The following LRRC43 variants were observed in gnomAD, a reference collection of about 807,000 sequenced individuals.
The protein encoded by LRRC43 is leucine rich repeat containing 43, also known as leucine-rich repeat-containing protein 43.
Under a neutral mutation model 64.3 loss-of-function variants are expected in LRRC43, and 62 were observed. That is an observed-to-expected ratio of 0.96 (90% confidence interval 0.79 to 1.19). The LOEUF (loss-of-function observed/expected upper bound fraction) is 1.19. Ranked by LOEUF, LRRC43 falls within the 50% of genes most tolerant of loss-of-function variation. LRRC43 has a pLI of 0.00. For missense variants in LRRC43, 868 were observed against 845.0 expected (o/e 1.03, Z -0.34); for synonymous variants, 422 against 382.3 (o/e 1.10, Z -1.21).
At chr12:122,195,359 C>T (rs975924056) in intron 7 of LRRC43, among the ~76,000 whole-genome samples, 1 of 151,994 alleles carries the variant, frequency 6.6e-6, no homozygotes, top group Non-Finnish European at 1.5e-5. Flanking sequence ...AGCAATTCTC[C>T]TGCCTCAGCC....
At position 122,192,910 on chromosome 12, in the gene LRRC43, G is replaced by T. The variant is rs1953734667; in HGVS notation, c.1255G>T (p.Gly419Trp). The change falls in exon 7 of 12, where the codon GGG (glycine) becomes TGG (tryptophan). Residue 419 changes from glycine to tryptophan, a missense_variant. Transcript: ENST00000339777. ...SGESELSVIS[G>W]PSTILQMPRA... ...AGAGTCGGAGCTGTCTGTCATCTCG[G>T]GGCCTTCGACCATCTTGCAGATGCC... 6.2e-7 allele frequency: 1 copy of T among 1,614,138 alleles called. No individual in the cohort carries two copies. Among genetic ancestry groups the T allele is most frequent in the East Asian group, 2.2e-5 (1 of 44,876 alleles).
chr12:122,170,347 C>T (rs139749129), intron 1 of LRRC43, among the ~76,000 whole-genome samples: 6 of 152,006 alleles, frequency 3.9e-5, no homozygotes, highest in African/African-American at 9.6e-5. Context: ...ATGCCTGCTA[C>T]GGGGCCGGGC....
At chr12:122,198,345 G>A (rs1423107704) in intron 7 of LRRC43, among the ~76,000 whole-genome samples, 1 of 152,022 alleles carries the variant, frequency 6.6e-6, no homozygotes, top group Middle Eastern at 3.2e-3. Flanking sequence ...GTGGTTTTTA[G>A]TGTATTCACA....
intron 1 of LRRC43, among the ~76,000 whole-genome samples, chr12:122,175,154 TTTTCTTTCTTTC>T (rs536364664): frequency 6.3e-4 from 95 of 151,114 alleles, no homozygotes; most frequent in Middle Eastern, 6.8e-3. Flanking sequence ...ACTTTATTGC[TTTTCTTTCTTTC>T]TTTCTTTCTT....
chr12:122,176,535 G>GTTTTTT (rs386378008), intron 1 of LRRC43, among the ~76,000 whole-genome samples: 13 of 144,388 alleles, frequency 9.0e-5, no homozygotes, highest in African/African-American at 3.3e-4. Flanking sequence ...CTTTTGTTTT[G>GTTTTTT]TTTTTTTTTT....
intron 2 of LRRC43, 60 bp from the exon 3 acceptor site, chr12:122,186,130 G>C (rs930699881): frequency 3.3e-6 from 3 of 896,132 alleles, no homozygotes; most frequent in Non-Finnish European, 3.6e-6. Flanking sequence ...TGTGGACATG[G>C]GTTCTGTGCC....
Position 122,200,111 on chromosome 12 carries a change from C to A in LRRC43, c.1350-78C>A. The stretch of plus-strand genomic sequence containing the variant: ...GATGCTCGTGGTCTCCTCGGATGTC[C>A]CCTCACAGTCCTGTCCCGGGTCCCT... On this transcript the variant is annotated intron_variant, in intron 7 of 11. Transcript: ENST00000339777. The surrounding 1 kb of genome is among the most constrained non-coding windows in gnomAD (Gnocchi z 4.6). 1 of 1,487,566 alleles carries A rather than the reference C, an allele frequency of 6.7e-7. No homozygotes were observed. The highest frequency in any genetic ancestry group is 9.2e-7 in the Non-Finnish European group (1 of 1,091,220). The allele number at this position is 1,487,566 out of a possible 1,614,324, so 92.1% of individuals were successfully genotyped here. A position where few individuals can be genotyped will look rare whatever the true frequency, so the allele number is the denominator to read the frequency against.
chr12:122,199,003 C>A (rs1294962995), intron 7 of LRRC43, among the ~76,000 whole-genome samples: 6 of 136,782 alleles, frequency 4.4e-5, no homozygotes, highest in Non-Finnish European at 9.3e-5. Flanking sequence ...TTTTTTGAGA[C>A]AGAGTTGCTC....
chr12:122,183,271 T>C lies in LRRC43; in HGVS notation c.127T>C (p.Phe43Leu), dbSNP rs1953601884. The C allele has an allele frequency of 1.3e-6, 2 of 1,553,604 alleles. No individual in the cohort carries two copies. Among genetic ancestry groups the C allele is most frequent in the Non-Finnish European group, 1.7e-6 (2 of 1,160,526 alleles). The change falls in exon 1 of 12, where the codon TTC (phenylalanine) becomes CTC (leucine). Residue 43 changes from phenylalanine (F) to leucine (L), a missense_variant. By Grantham distance (22) the Phe-to-Leu change is conservative. Transcript: ENST00000339777. ...EHLRKLCLRE[F>L]PCGAGSWNKS... ...CTTGCGGAAGCTGTGTCTGCGCGAG[T>C]TCCCGTGCGGTGCCGGCAGCTGGGT...
intron 7 of LRRC43, among the ~76,000 whole-genome samples, chr12:122,193,952 A>G (rs1343687664): frequency 6.6e-6 from 1 of 152,156 alleles, no homozygotes; most frequent in Non-Finnish European, 1.5e-5. Context: ...TAACATTTTA[A>G]TCCATCTAAG....
upstream of LRRC43, among the ~76,000 whole-genome samples, chr12:122,182,428 A>G (rs965656597): frequency 6.9e-6 from 1 of 145,594 alleles, no homozygotes; most frequent in African/African-American, 2.5e-5. Context: ...AGGCTGAGGC[A>G]GGAGAATCGG....
rs1306862669 is a variant in LRRC43, at chr12:122,192,945, T to C, written c.1290T>C (p.Ser430=). The change falls in exon 7 of 12, where the codon TCT becomes TCC. Residue 430 remains serine, a synonymous_variant. Transcript: ENST00000339777. ...CCATCTTGCAGATGCCGAGGGCCTC[T>C]GCAGAAGAGCTGGCCAAGTTGAGGC... ...PSTILQMPRA[S]AEELAKLRLR... is the part of the protein sequence containing the mutation. 1 of 1,614,060 alleles carries C rather than the reference T, an allele frequency of 6.2e-7. No individual in the cohort carries two copies. The highest frequency in any genetic ancestry group is 1.1e-5 in the South Asian group (1 of 91,080).
intron 1 of LRRC43, 23 bp downstream of exon 1, chr12:122,183,317 T>G: frequency 6.8e-7 from 1 of 1,465,624 alleles, no homozygotes; most frequent in South Asian, 1.4e-5. Context: ...GGGCCGGAAC[T>G]CTGGGGGCCT....
upstream of LRRC43, among the ~76,000 whole-genome samples, chr12:122,179,631 C>G (rs1434568958): frequency 6.6e-6 from 1 of 151,948 alleles, no homozygotes; most frequent in Non-Finnish European, 1.5e-5. Flanking sequence ...ATTAACAGGA[C>G]AAGGAGAAGA....
Position 122,172,419 on chromosome 12 carries a change from G to T in LRRC43, c.-406+4637G>T, listed in dbSNP as rs1328276512. 3 of 1,611,172 alleles carry T rather than the reference G, an allele frequency of 1.9e-6. No homozygotes were observed. The South Asian group carries it at 3.3e-5, about 18-fold the overall frequency. On this transcript the variant is annotated intron_variant, in intron 1 of 5. Coordinates refer to the LRRC43 transcript ENST00000537729. ...CGAAAGGAAGAGATGGCCTTAAGTG[G>T]TGGCCTGTTGGGCTCCAGAGGTCAA...
chr12:122,181,937 A>G (rs923044263), upstream of LRRC43, among the ~76,000 whole-genome samples: 4 of 151,896 alleles, frequency 2.6e-5, no homozygotes, highest in Non-Finnish European at 5.9e-5. Flanking sequence ...AGTTGTCCCG[A>G]TATCGTATAG....
chr12:122,200,899 C>A lies in LRRC43; in HGVS notation c.1774C>A (p.Arg592Ser). 1 of 1,610,310 alleles carries A rather than the reference C, an allele frequency of 6.2e-7. No homozygotes were observed. The highest frequency in any genetic ancestry group is 8.5e-7 in the Non-Finnish European group (1 of 1,178,576). Residue 592 changes from arginine (R) to serine (S), a missense_variant, in exon 10 of 12, where the codon CGC (arginine) becomes AGC (serine). Physicochemically the swap from Arg to Ser is moderately radical, Grantham distance 110. Transcript: ENST00000339777. This position sits in a 1 kb window ranked among gnomAD's most constrained non-coding sequence, Gnocchi z 4.6. ...VSTVCNFGVV[R>S]TLTSDRLTLA... ...CACCGTGTGCAACTTCGGCGTGGTC[C>A]GCACATTGACATCTGACAGGCTGAC...
intron 7 of LRRC43, among the ~76,000 whole-genome samples, chr12:122,193,487 C>T (rs1388686810): frequency 1.3e-5 from 2 of 148,896 alleles, no homozygotes; most frequent in African/African-American, 4.9e-5. Context: ...TTCAACTTAG[C>T]TAAATCCTTC....
chr12:122,192,800 T>C lies in LRRC43; in HGVS notation c.1145T>C (p.Val382Ala). Residue 382 changes from valine (V) to alanine (A), a missense_variant, in exon 7 of 12, where the codon GTC (valine) becomes GCC (alanine). By Grantham distance (64) the Val-to-Ala change is moderately conservative. Coordinates refer to ENST00000339777, the MANE Select transcript of LRRC43 (RefSeq NM_001098519.2). Reference sequence around the variant, plus strand: ...TTAGTTGAGGAATCTCCTGAAGAGGTCGTGGAAGACGTCATCGAAGACATT... The same window carrying C: ...TTAGTTGAGGAATCTCCTGAAGAGGCCGTGGAAGACGTCATCGAAGACATT... ...ELLVEESPEE[V>A]VEDVIEDIVE... 6.2e-7 allele frequency: 1 copy of C among 1,614,036 alleles called. No individual in the cohort carries two copies. The highest frequency in any genetic ancestry group is 8.5e-7 in the Non-Finnish European group (1 of 1,179,992).
Sources: gnomAD v4.1 joint callset for allele counts (sites outside exome capture counted in the v4.1 genomes callset) on GRCh38, gnomAD v4.1.1 for gene constraint, Gnocchi (gnomAD v3.1) non-coding constraint, MANE v1.5 for transcripts, NCBI Gene and HGNC (gene_info 2026-07-23, HGNC 2026-07-21) for gene names.